Variants in MBD5 observed in about 807,000 individuals in gnomAD.
The protein encoded by MBD5 is methyl-CpG-binding domain protein 5.
In MBD5, 13 loss-of-function variants were observed where a neutral mutation model predicts 117.3. That is an observed-to-expected ratio of 0.11 (90% CI 0.07 to 0.18). The LOEUF (loss-of-function observed/expected upper bound fraction) is 0.18. Ranked by LOEUF, MBD5 falls within the 10% of genes least tolerant of loss-of-function variation. MBD5 has a pLI of 1.00. For missense variants in MBD5, 1,879 were observed against 2,093.8 expected, an observed-to-expected ratio of 0.90 and a Z score of 2.00; for synonymous variants, 727 against 766.4, an observed-to-expected ratio of 0.95 and a Z score of 0.85.
At position 148,149,815 on chromosome 2, in the gene MBD5, A is replaced by G. The variant is rs921489776; in HGVS notation, c.-924-28885A>G. Among the ~76,000 whole-genome samples the G allele has an allele frequency of 4.0e-3, 600 of 151,060 alleles. 2 individuals carry two copies. The highest frequency in any genetic ancestry group is 6.8e-3 in the Middle Eastern group (2 of 292). ...TGTTTTTTTCTTGTAAATTTGTTTG[A>G]GTTCATTGTAGATCCTGGATATTAG... On this transcript the variant is annotated intron_variant, in intron 1 of 13. Transcript: ENST00000642680.
chr2:148,330,088 T>TACACACACACACACAC (rs377202803), intron 3 of MBD5, among the ~76,000 whole-genome samples: 5,751 of 40,138 alleles, frequency 0.14, 558 homozygotes, highest in African/African-American at 0.18. Flanking sequence ...CCTCCTGCCA[T>TACACACACACACACAC]ACACACACAC....
intron 4 of MBD5, among the ~76,000 whole-genome samples, chr2:148,442,493 G>A (rs555115394): frequency 1.3e-5 from 2 of 151,058 alleles, no homozygotes; most frequent in African/African-American, 4.9e-5. Flanking sequence ...AAGATAAATT[G>A]TAAAAAATAG....
chr2:148,275,050 G>T (rs970540056), intron 3 of MBD5, among the ~76,000 whole-genome samples: 1 of 152,074 alleles, frequency 6.6e-6, no homozygotes, highest in African/African-American at 2.4e-5. Flanking sequence ...ACATATGGTT[G>T]TGTGAGAGAA....
chr2:148,481,006 T>TAGTA lies in MBD5; in HGVS notation c.2519-2104_2519-2103insAGTA, dbSNP rs1287237414. On this transcript the variant is annotated intron_variant, in intron 8 of 13. Transcript: ENST00000642680. ...ACAGCACCACTACTATGACTACTAATGTCAATAATGATGATAACTCCTTTT... is the reference window on the plus strand; with the variant it reads ...ACAGCACCACTACTATGACTACTAATAGTAGTCAATAATGATGATAACTCCTTTT... Among the ~76,000 whole-genome samples, 292 of 152,298 alleles carry TAGTA rather than the reference T, an allele frequency of 1.9e-3. 1 individual carries two copies. The highest frequency in any genetic ancestry group is 6.8e-3 in the African/African-American group (283 of 41,576).
chr2:148,037,844 A>G (rs1694236922), intron 1 of MBD5, among the ~76,000 whole-genome samples: 2 of 152,126 alleles, frequency 1.3e-5, no homozygotes, highest in African/African-American at 4.8e-5. Context: ...ACAGGCAAGG[A>G]CTATGGAGCT....
chr2:148,030,337 C>T (rs1488304094), intron 1 of MBD5, among the ~76,000 whole-genome samples: 1 of 151,908 alleles, frequency 6.6e-6, no homozygotes, highest in African/African-American at 2.4e-5. Flanking sequence ...TGAAAAACAA[C>T]CATGCAAAAC....
At chr2:148,177,620 A>T (rs114749355) in intron 1 of MBD5, among the ~76,000 whole-genome samples, 2,237 of 152,318 alleles carry the variant, frequency 0.015, 28 homozygotes, top group Non-Finnish European at 0.024. Flanking sequence ...ATATGTAGAA[A>T]CTAAGCTAAA....
intron 4 of MBD5, among the ~76,000 whole-genome samples, chr2:148,445,684 T>C (rs1369410176): frequency 6.6e-6 from 1 of 151,450 alleles, no homozygotes; most frequent in Non-Finnish European, 1.5e-5. Context: ...ATGGTATTTC[T>C]AGTTCTAGAT....
At chr2:148,298,550 A>G (rs980060415) in intron 3 of MBD5, among the ~76,000 whole-genome samples, 1 of 152,078 alleles carries the variant, frequency 6.6e-6, no homozygotes, top group Non-Finnish European at 1.5e-5. Context: ...TATTTTTATA[A>G]TTTTTTACCA....
chr2:148,044,934 T>G (rs1694474528), intron 1 of MBD5: 1 of 152,162 alleles, frequency 6.6e-6, no homozygotes, highest in Admixed American at 6.5e-5. Flanking sequence ...AATTTATGTT[T>G]TACTATAAGA....
chr2:148,047,223 TG>T (rs574579079), intron 1 of MBD5, among the ~76,000 whole-genome samples: 92 of 152,362 alleles, frequency 6.0e-4, no homozygotes, highest in African/African-American at 2.1e-3. Context: ...ATAAGATGGT[TG>T]TTTTTTTACT....
intron 4 of MBD5, among the ~76,000 whole-genome samples, chr2:148,426,465 T>G (rs1459987232): frequency 6.6e-6 from 1 of 151,692 alleles, no homozygotes; most frequent in Non-Finnish European, 1.5e-5. Flanking sequence ...TATAGACCAA[T>G]GGAGCAGAAC....
At chr2:148,091,261 C>G (rs1331421165) in intron 1 of MBD5, among the ~76,000 whole-genome samples, 1 of 152,046 alleles carries the variant, frequency 6.6e-6, no homozygotes, top group Non-Finnish European at 1.5e-5. Flanking sequence ...CAGTGCAGTT[C>G]CCATCAAAAT....
chr2:148,162,427 T>A (rs1348590521), intron 1 of MBD5, among the ~76,000 whole-genome samples: 1 of 152,252 alleles, frequency 6.6e-6, no homozygotes, highest in Non-Finnish European at 1.5e-5. Flanking sequence ...TATTCACATT[T>A]AGGCTGATGT....
intron 1 of MBD5, among the ~76,000 whole-genome samples, chr2:148,074,323 A>G (rs1462822692): frequency 2.0e-5 from 3 of 152,126 alleles, no homozygotes; most frequent in Non-Finnish European, 4.4e-5. Flanking sequence ...AAACTCTATC[A>G]TATTTAGCTT....
intron 4 of MBD5, among the ~76,000 whole-genome samples, chr2:148,421,530 G>GTTT (rs113269765): frequency 6.8e-6 from 1 of 147,544 alleles, no homozygotes. Flanking sequence ...AGCTGCAGAA[G>GTTT]TTTTTTTTTT....
At chr2:148,196,984 T>G (rs1245666105) in intron 2 of MBD5, among the ~76,000 whole-genome samples, 1 of 152,172 alleles carries the variant, frequency 6.6e-6, no homozygotes, top group East Asian at 1.9e-4. Flanking sequence ...CAACTTATAT[T>G]TGCCAAAACC....
intron 1 of MBD5, among the ~76,000 whole-genome samples, chr2:148,159,134 G>A (rs1328208392): frequency 6.6e-6 from 1 of 152,198 alleles, no homozygotes; most frequent in Non-Finnish European, 1.5e-5. Context: ...GGTTACACAG[G>A]TAGTTAGTTA....
intron 4 of MBD5, among the ~76,000 whole-genome samples, chr2:148,452,386 G>A (rs1228831671): frequency 6.6e-6 from 1 of 152,014 alleles, no homozygotes; most frequent in African/African-American, 2.4e-5. Flanking sequence ...TGTGATCGCA[G>A]CTATACAGGA....
Sources: allele counts gnomAD v4.1 joint callset (sites outside exome capture counted in the v4.1 genomes callset), GRCh38; gene constraint gnomAD v4.1.1; transcripts MANE v1.5; gene names NCBI Gene and HGNC (gene_info 2026-07-23, HGNC 2026-07-21).